TENM1: variants seen among roughly 807,000 people sequenced by gnomAD.
TENM1 encodes teneurin transmembrane protein 1, also known as teneurin-1.
TENM1 carries 35 observed loss-of-function variants against 174.8 expected under a neutral mutation model. That is an observed-to-expected ratio of 0.20 (90% confidence interval 0.15 to 0.27). The LOEUF is 0.27. TENM1 is among the 10% of genes least tolerant of loss of function. TENM1 has a pLI of 1.00. For synonymous variants in TENM1, 781 were observed against 798.7 expected, an observed-to-expected ratio of 0.98 and a Z score of 0.37; for missense variants, 1,633 against 2,130.1, an observed-to-expected ratio of 0.77 and a Z score of 4.59.
chrX:124,494,779 T>C (rs1369664979), intron 20 of TENM1, among the ~76,000 whole-genome samples: 1 of 108,999 alleles, frequency 9.2e-6, no homozygotes, highest in African/African-American at 3.4e-5. Flanking sequence ...TTTCTGCTCT[T>C]GCGATAGTTT....
chrX:124,554,017 G>A (rs2048640148), intron 14 of TENM1, among the ~76,000 whole-genome samples: 1 of 111,430 alleles, frequency 9.0e-6, no homozygotes, highest in South Asian at 3.9e-4. Flanking sequence ...GCTCAGGCAG[G>A]AGAATAGCTT....
At chrX:125,091,276 G>A in the TENM1 span, among the ~76,000 whole-genome samples, 5 of 111,963 alleles carry the variant, frequency 4.5e-5, no homozygotes, top group East Asian at 1.4e-3. Context: ...AGTTGAGGGA[G>A]TTCATGCTTG....
At chrX:124,668,811 G>A (rs911616035) in intron 6 of TENM1, among the ~76,000 whole-genome samples, 9 of 111,700 alleles carry the variant, frequency 8.1e-5, no homozygotes, top group Admixed American at 1.9e-4. Context: ...TAACAAACCC[G>A]CACGTTGTGC....
intron 5 of TENM1, among the ~76,000 whole-genome samples, chrX:124,673,155 G>A (rs940052106): frequency 1.8e-5 from 2 of 111,541 alleles, no homozygotes; most frequent in Non-Finnish European, 1.9e-5. Flanking sequence ...AGGTGACAAC[G>A]ATTGGTGGGG....
At chrX:124,477,519 C>T (rs1348295604) in intron 22 of TENM1, among the ~76,000 whole-genome samples, 5 of 110,800 alleles carry the variant, frequency 4.5e-5, no homozygotes, top group East Asian at 2.9e-4. Context: ...AAAGTGTGGC[C>T]GAGGTGGGCG....
chrX:124,826,456 T>C (rs2056163637), intron 3 of TENM1, among the ~76,000 whole-genome samples: 1 of 110,463 alleles, frequency 9.1e-6, no homozygotes, highest in South Asian at 3.8e-4. Context: ...GAAGACACCC[T>C]AAATATCCAC....
intron 1 of TENM1, among the ~76,000 whole-genome samples, chrX:124,954,442 T>C (rs1294961764): frequency 1.8e-5 from 2 of 112,013 alleles, no homozygotes; most frequent in African/African-American, 6.5e-5. Context: ...ATATATACAT[T>C]CATACTCATC....
At chrX:124,666,429 C>T in intron 6 of TENM1, among the ~76,000 whole-genome samples, 1 of 111,652 alleles carries the variant, frequency 9.0e-6, no homozygotes, top group Non-Finnish European at 1.9e-5. Context: ...TAAGAAATTC[C>T]CCAACCTTTT....
the TENM1 span, among the ~76,000 whole-genome samples, chrX:125,127,617 G>A: frequency 3.1e-4 from 34 of 111,269 alleles, no homozygotes; most frequent in Middle Eastern, 0.014. Context: ...ATGGTACATT[G>A]GAGAGGCAGC....
intron 3 of TENM1, among the ~76,000 whole-genome samples, chrX:124,823,914 A>G (rs2056097162): frequency 1.8e-5 from 2 of 111,595 alleles, no homozygotes; most frequent in Non-Finnish European, 1.9e-5. Flanking sequence ...TGATCATCAC[A>G]TAGATACTGT....
At chrX:125,116,768 C>CCCAACCCCAT in the TENM1 span, among the ~76,000 whole-genome samples, 1 of 111,294 alleles carries the variant, frequency 9.0e-6, no homozygotes, top group South Asian at 3.7e-4. Flanking sequence ...TCCCAGCACT[C>CCCAACCCCAT]TGGGAGGCCA....
chrX:125,188,159 T>C, the TENM1 span, among the ~76,000 whole-genome samples: 1 of 110,941 alleles, frequency 9.0e-6, no homozygotes, highest in Non-Finnish European at 1.9e-5. Context: ...AATGAAAGCC[T>C]GTCTCTACAA....
intron 4 of TENM1, among the ~76,000 whole-genome samples, chrX:124,714,603 C>T (rs962301122): frequency 9.0e-6 from 1 of 111,687 alleles, no homozygotes; most frequent in Non-Finnish European, 1.9e-5. Context: ...ATTGTCATGG[C>T]TCCCTGCTTA....
At chrX:124,648,015 C>T (rs987208093) in intron 8 of TENM1, among the ~76,000 whole-genome samples, 1 of 111,120 alleles carries the variant, frequency 9.0e-6, no homozygotes, top group Admixed American at 9.6e-5. Context: ...TAATGAGGGT[C>T]GAGAAATAGC....
chrX:124,752,896 C>T (rs1426327467), intron 3 of TENM1, among the ~76,000 whole-genome samples: 1 of 110,338 alleles, frequency 9.1e-6, no homozygotes, highest in Non-Finnish European at 1.9e-5. Flanking sequence ...GTTACTGTAG[C>T]CTTGTAGTAT....
At chrX:124,568,404 A>T (rs781597595) in intron 11 of TENM1, among the ~76,000 whole-genome samples, 1 of 111,989 alleles carries the variant, frequency 8.9e-6, no homozygotes, top group East Asian at 2.8e-4. Context: ...GAGATGACAA[A>T]GAAGTACTGA....
chrX:124,640,184 G>A (rs765614637), intron 11 of TENM1, among the ~76,000 whole-genome samples: 30 of 110,695 alleles, frequency 2.7e-4, no homozygotes, highest in South Asian at 7.7e-4. Context: ...TTTCATTTTC[G>A]TTATTATTAG....
At chrX:124,960,555 G>A (rs1039927599) in intron 1 of TENM1, among the ~76,000 whole-genome samples, 1 of 111,918 alleles carries the variant, frequency 8.9e-6, no homozygotes, top group Non-Finnish European at 1.9e-5. Flanking sequence ...TTGAAAGGAC[G>A]TTAGAATGAC....
At chrX:124,924,808 G>A (rs919556615) in intron 1 of TENM1, among the ~76,000 whole-genome samples, 2 of 111,319 alleles carry the variant, frequency 1.8e-5, no homozygotes, top group East Asian at 2.8e-4. Context: ...GTGGCTGGAC[G>A]AGGAAGGAGT....
Sources: allele counts gnomAD v4.1 joint callset (sites outside exome capture counted in the v4.1 genomes callset), GRCh38; gene constraint gnomAD v4.1.1; transcripts MANE v1.5; gene names NCBI Gene and HGNC (gene_info 2026-07-23, HGNC 2026-07-21).